EOGT: variants seen among roughly 807,000 people sequenced by gnomAD.
EOGT encodes the protein EGF domain specific O-linked N-acetylglucosamine transferase.
In EOGT, 55 loss-of-function variants were observed where a neutral mutation model predicts 70.5. The observed-to-expected ratio is 0.78, with a 90% CI of 0.63 to 0.98. EOGT has a LOEUF of 0.98. Ranked by LOEUF, EOGT falls within the 50% of genes least tolerant of loss-of-function variation. The pLI, the probability that EOGT is intolerant of heterozygous loss-of-function variation, is 0.00. For missense variants in EOGT, 703 were observed against 641.9 expected (o/e 1.10, Z -1.03); for synonymous variants, 246 against 217.1 (o/e 1.13, Z -1.17).
intron 10 of EOGT, 112 bp from the exon 11 acceptor site, chr3:68,989,129 G>GC (rs1553665742): frequency 1.8e-6 from 1 of 562,484 alleles, no homozygotes; most frequent in Non-Finnish European, 3.0e-6. Context: ...ACAATCCTAC[G>GC]CAAGTTCATA....
rs74603971 is a variant in EOGT at position 68,987,807 on chromosome 3, C to T, written c.1084-294G>A. 0.015 allele frequency: 6,989 copies of T among 451,354 alleles called. 360 individuals are homozygous for T. Among genetic ancestry groups the T allele is most frequent in the African/African-American group, 0.12 (5,816 of 50,394 alleles). 28.0% of individuals were successfully genotyped at this position (451,354 alleles called of 1,614,324 possible). On this transcript the variant is annotated intron_variant, in intron 13 of 17. Coordinates refer to ENST00000383701, the MANE Select transcript of EOGT (RefSeq NM_001278689.2). ...ATTTGGGGAGGTGAGGGAGATATAA[C>T]CAATGAAGGGGGAAAGGAGGACAGG... is the stretch of plus-strand genomic sequence containing the variant.
Position 68,988,965 on chromosome 3 carries a change from T to G in EOGT, c.884A>C (p.Asp295Ala), listed in dbSNP as rs1162765032. The change falls in exon 11 of 18, where the codon GAT (aspartate) becomes GCT (alanine). Residue 295 changes from aspartate (D) to alanine (A), a missense_variant. Transcript: ENST00000383701. ...AGTTTTCAAATGTATAACGTCATAA[T>G]CAGTAAATGCATTCCATGTGTCGGA... ...LFSDTWNAFT[D>A]YDVIHLKTYD... 1 of 1,532,208 alleles carries G rather than the reference T, an allele frequency of 6.5e-7. No individual in the cohort carries two copies. Among genetic ancestry groups the G allele is most frequent in the East Asian group, 2.5e-5 (1 of 40,772 alleles). The allele number at this position is 1,532,208 out of a possible 1,614,324, so 94.9% of individuals were successfully genotyped here. A position where few individuals can be genotyped will look rare whatever the true frequency, so the allele number is the denominator to read the frequency against.
intron 6 of EOGT, among the ~76,000 whole-genome samples, chr3:69,006,368 A>G (rs1408530949): frequency 1.3e-5 from 2 of 152,146 alleles, no homozygotes; most frequent in Non-Finnish European, 1.5e-5. Context: ...ACACCCTCCA[A>G]TAGCTCTATA....
chr3:69,004,361 C>A lies in EOGT; in HGVS notation c.620+17G>T, dbSNP rs144884919. ...AAGGCAAATATTTCCGAAACAGATA[C>A]GTTAAAAATATCTTACCATGACTGC... On this transcript the variant is annotated intron_variant, in intron 8 of 17. Transcript: ENST00000383701. The A allele has an allele frequency of 2.0e-5, 32 of 1,578,576 alleles. No homozygotes were observed. The highest frequency in any genetic ancestry group is 2.7e-5 in the African/African-American group (2 of 74,034).
chr3:68,980,113 AAGT>A (rs1001173733), intron 15 of EOGT, among the ~76,000 whole-genome samples: 65 of 152,334 alleles, frequency 4.3e-4, no homozygotes, highest in African/African-American at 1.5e-3. Flanking sequence ...TAATCAAACT[AAGT>A]AGTGTTCAAA....
chr3:68,987,954 G>A (rs893039473), intron 13 of EOGT: 15 of 344,234 alleles, frequency 4.4e-5, no homozygotes, highest in East Asian at 1.3e-4. Context: ...TTGCTCTGTC[G>A]CCCAGGCGGG....
intron 9 of EOGT, among the ~76,000 whole-genome samples, chr3:68,999,144 T>C (rs1161657035): frequency 6.6e-6 from 1 of 152,168 alleles, no homozygotes; most frequent in Non-Finnish European, 1.5e-5. Flanking sequence ...AGCTTCTCTA[T>C]AGAAATGGGA....
chr3:68,988,213 T>C lies in EOGT; in HGVS notation c.1083+82A>G, dbSNP rs2090871901. Reference sequence around the variant, plus strand: ...CACAAAAACATGGTCTCCTGATTATTTCTGTTTCTGAAAAGGTGGTATCGA... The same window carrying C: ...CACAAAAACATGGTCTCCTGATTATCTCTGTTTCTGAAAAGGTGGTATCGA... On this transcript the variant is annotated intron_variant, in intron 13 of 17. Coordinates refer to ENST00000383701, the MANE Select transcript of EOGT (RefSeq NM_001278689.2). 3 of 976,224 alleles carry C rather than the reference T, an allele frequency of 3.1e-6. No homozygotes were observed. In the Admixed American group the frequency reaches 7.1e-5, roughly 23 times the overall value. 60.5% of individuals were successfully genotyped at this position (976,224 alleles called of 1,614,324 possible).
chr3:68,978,474 C>A, intron 16 of EOGT, 39 bp from the exon 17 acceptor site: 1 of 1,431,286 alleles, frequency 7.0e-7, no homozygotes, highest in South Asian at 1.3e-5. Flanking sequence ...GGCTTTTGTC[C>A]AAGGTTTTTT....
chr3:68,993,508 C>G (rs2091055720), intron 10 of EOGT, among the ~76,000 whole-genome samples: 1 of 152,140 alleles, frequency 6.6e-6, no homozygotes, highest in Admixed American at 6.5e-5. Context: ...GCATTTTGGG[C>G]AAAGCTATTC....
chr3:69,007,139 A>T (rs1263264460), intron 6 of EOGT, among the ~76,000 whole-genome samples: 1 of 152,214 alleles, frequency 6.6e-6, no homozygotes, highest in Non-Finnish European at 1.5e-5. Context: ...TTCTAAACCT[A>T]AAAATATTTC....
chr3:68,977,749 G>A lies in EOGT; in HGVS notation c.1453C>T (p.Leu485=). Residue 485 remains leucine (L), a synonymous_variant, in exon 18 of 18, where the codon CTG becomes TTG. Coordinates refer to ENST00000383701, the MANE Select transcript of EOGT (RefSeq NM_001278689.2). ...FPQDKGHHPT[L]GEHPKFTNYS... ...TTGGTGAACTTCGGGTGCTCCCCCAGGGTTGGATGGTGGCCCTGTGAAAAT... is the reference window on the plus strand; with the variant it reads ...TTGGTGAACTTCGGGTGCTCCCCCAAGGTTGGATGGTGGCCCTGTGAAAAT... The A allele has an allele frequency of 6.2e-7, 1 of 1,612,552 alleles. No homozygotes were observed. Among genetic ancestry groups the A allele is most frequent in the Non-Finnish European group, 8.5e-7 (1 of 1,179,422 alleles).
intron 8 of EOGT, 22 bp from the exon 9 acceptor site, chr3:69,001,736 T>C (rs1032097647): frequency 3.3e-6 from 5 of 1,522,672 alleles, no homozygotes; most frequent in Non-Finnish European, 4.5e-6. Flanking sequence ...AATTGGGACA[T>C]GACTTCAAAC....
In EOGT at chr3:69,005,143, T is replaced by C; in HGVS notation, c.512A>G (p.Asp171Gly). Residue 171 changes from aspartate to glycine, a missense_variant, in exon 7 of 18, where the codon GAC becomes GGC. Asp to Gly is a moderately conservative substitution (Grantham distance 94, BLOSUM62 -1). Transcript: ENST00000383701. ...LDLRNIKRNH[D>G]RFKEDFFQSG... ...TTAACATTAACCACTAAAGTACCTGTCATGATTTCTCTTGATGTTTCTTAA... is the reference window on the plus strand; with the variant it reads ...TTAACATTAACCACTAAAGTACCTGCCATGATTTCTCTTGATGTTTCTTAA... 6.5e-7 allele frequency: 1 copy of C among 1,534,914 alleles called. No homozygotes were observed.
chr3:68,988,586 A>C lies in EOGT; in HGVS notation c.925-9T>G, dbSNP rs750154855. 19 of 1,501,954 alleles carry C rather than the reference A, an allele frequency of 1.3e-5. No individual in the cohort carries two copies. In the African/African-American group the frequency reaches 2.7e-4, roughly 21 times the overall value. 93.0% of individuals were successfully genotyped at this position (1,501,954 alleles called of 1,614,324 possible). On this transcript the variant is annotated splice_polypyrimidine_tract_variant and intron_variant, in intron 11 of 17. Transcript: ENST00000383701. ...GCTTCTTTAAAACATACCTAAGAAC[A>C]AAGATACATTAAAAGAAGATGTAAT... is the stretch of plus-strand genomic sequence containing the variant.
In EOGT at chr3:68,979,780, C is replaced by T; in HGVS notation, c.1222G>A (p.Gly408Arg). 1 of 1,613,144 alleles carries T rather than the reference C, an allele frequency of 6.2e-7. No individual in the cohort carries two copies. Among genetic ancestry groups the T allele is most frequent in the Non-Finnish European group, 8.5e-7 (1 of 1,179,378 alleles). ...GTGATCCTTAGTTGATCTAAAAACC[C>T]AAGTTCTCTGTGAACATACAGAATA... Reference protein sequence around the residue: ...QIVDYKYRELGFLDQLRITHN... With the variant: ...QIVDYKYRELRFLDQLRITHN... Residue 408 changes from glycine to arginine, a missense_variant, in exon 16 of 18, where the codon GGG becomes AGG. Coordinates refer to ENST00000383701, the MANE Select transcript of EOGT (RefSeq NM_001278689.2).
intron 3 of EOGT, among the ~76,000 whole-genome samples, chr3:69,011,514 T>C (rs2091575518): frequency 6.7e-6 from 1 of 149,680 alleles, no homozygotes; most frequent in Non-Finnish European, 1.5e-5. Flanking sequence ...AGGATCACTT[T>C]AGCCTGGGAA....
chr3:68,994,175 T>A (rs1177965913), intron 10 of EOGT, among the ~76,000 whole-genome samples: 1 of 152,178 alleles, frequency 6.6e-6, no homozygotes, highest in East Asian at 1.9e-4. Context: ...AACACATATA[T>A]AACACATATA....
intron 10 of EOGT, among the ~76,000 whole-genome samples, chr3:68,994,035 A>T (rs2091074151): frequency 6.6e-6 from 1 of 152,214 alleles, no homozygotes; most frequent in African/African-American, 2.4e-5. Context: ...ATCAAGGACC[A>T]ATCTGGGTAC....
Sources: allele counts gnomAD v4.1 joint callset (sites outside exome capture counted in the v4.1 genomes callset), GRCh38; gene constraint gnomAD v4.1.1; transcripts MANE v1.5; gene names NCBI Gene and HGNC (gene_info 2026-07-23, HGNC 2026-07-21).